Variants in CDH4 observed in about 807,000 individuals in gnomAD.
CDH4 encodes the protein cadherin-4.
In CDH4, 33 loss-of-function variants were observed where a neutral mutation model predicts 86.0. The ratio of observed to expected loss-of-function variants is 0.38; its 90% confidence interval spans 0.29 to 0.51. The LOEUF (loss-of-function observed/expected upper bound fraction) is 0.51. CDH4 is among the 20% of genes least tolerant of loss of function. The pLI is 0.86. For missense variants in CDH4, 1,114 were observed against 1,307.4 expected (o/e 0.85, Z 2.28); for synonymous variants, 555 against 549.4 (o/e 1.01, Z -0.14).
At chr20:61,253,111 C>T (rs879640907) in intron 1 of CDH4, among the ~76,000 whole-genome samples, 125 of 151,548 alleles carry the variant, frequency 8.2e-4, no homozygotes, top group Non-Finnish European at 1.5e-3. Flanking sequence ...CTGTGGGTGC[C>T]GGCAGGACCC....
chr20:61,320,652 TA>T (rs1600863630), intron 2 of CDH4, among the ~76,000 whole-genome samples: 1 of 152,012 alleles, frequency 6.6e-6, no homozygotes, highest in East Asian at 1.9e-4. Flanking sequence ...CCAAGTGCCC[TA>T]CCCAGGGCTG....
chr20:61,371,152 G>A (rs995585989), intron 2 of CDH4, among the ~76,000 whole-genome samples: 17 of 152,208 alleles, frequency 1.1e-4, no homozygotes, highest in Non-Finnish European at 2.4e-4. Context: ...CCGGGAGCTC[G>A]GAGCCCTGCA....
In CDH4 at chr20:61,709,603, T is replaced by TTA. The variant is rs2087868258; in HGVS notation, c.170-33960_170-33959insTA. Among the ~76,000 whole-genome samples the TTA allele has an allele frequency of 6.6e-6, 1 of 151,868 alleles. No homozygotes were observed. Among genetic ancestry groups the TTA allele is most frequent in the African/African-American group, 2.4e-5 (1 of 41,350 alleles). On this transcript the variant is annotated intron_variant, in intron 2 of 15. Transcript: ENST00000614565. The surrounding 1 kb of genome is among the most constrained non-coding windows in gnomAD (Gnocchi z 4.8). ...TTTTGAATGACAATTTTTTTTTTTT[T>TTA]ATCGCTGGCTAATCACAGAGTGAGC...
At chr20:61,884,057 C>T (rs1984423783) in intron 7 of CDH4, among the ~76,000 whole-genome samples, 1 of 151,086 alleles carries the variant, frequency 6.6e-6, no homozygotes, top group Non-Finnish European at 1.5e-5. Flanking sequence ...GGACTCGCTG[C>T]CTGGAACTGG....
intron 2 of CDH4, among the ~76,000 whole-genome samples, chr20:61,590,362 G>A (rs1442428843): frequency 6.6e-6 from 1 of 152,134 alleles, no homozygotes; most frequent in Non-Finnish European, 1.5e-5. Flanking sequence ...ATGGCCCAGT[G>A]GGTGGGGGCA....
At chr20:61,714,020 T>TG (rs1238468072) in intron 2 of CDH4, among the ~76,000 whole-genome samples, 1,773 of 147,516 alleles carry the variant, frequency 0.012, 161 homozygotes, top group Admixed American at 0.04. Flanking sequence ...TGTCTATTCT[T>TG]TTTTTATTTT....
At chr20:61,619,771 G>A (rs143438473) in intron 2 of CDH4, among the ~76,000 whole-genome samples, 17 of 152,342 alleles carry the variant, frequency 1.1e-4, no homozygotes, top group East Asian at 7.7e-4. Flanking sequence ...GCCGATGCCC[G>A]GGTGGGAGGG....
At chr20:61,819,708 G>C (rs911447969) in intron 4 of CDH4, among the ~76,000 whole-genome samples, 14 of 152,222 alleles carry the variant, frequency 9.2e-5, no homozygotes, top group African/African-American at 3.4e-4. Context: ...CCCCTGCCAG[G>C]CTGGGACTGC....
At chr20:61,509,882 A>G (rs1256984009) in intron 2 of CDH4, among the ~76,000 whole-genome samples, 1 of 152,146 alleles carries the variant, frequency 6.6e-6, no homozygotes, top group Admixed American at 6.5e-5. Flanking sequence ...TGCAGCTGGC[A>G]TCTCAGGATG....
At chr20:61,612,995 A>G (rs1426711283) in intron 2 of CDH4, among the ~76,000 whole-genome samples, 1 of 151,672 alleles carries the variant, frequency 6.6e-6, no homozygotes, top group Admixed American at 6.6e-5. Flanking sequence ...AGCCAGCCAC[A>G]CCTCCAGGAG....
chr20:61,406,774 C>CCA (rs1314431802), intron 2 of CDH4, among the ~76,000 whole-genome samples: 10 of 148,690 alleles, frequency 6.7e-5, no homozygotes, highest in Non-Finnish European at 8.9e-5. Flanking sequence ...CCACCATCTG[C>CCA]TCTGCCCAGA....
intron 2 of CDH4, among the ~76,000 whole-genome samples, chr20:61,488,839 C>T (rs2085610585): frequency 6.6e-6 from 1 of 152,146 alleles, no homozygotes; most frequent in Admixed American, 6.5e-5. Context: ...ATGGACCTTG[C>T]CATTCACAGT....
intron 2 of CDH4, chr20:61,435,632 C>G (rs1441574075): frequency 6.6e-6 from 1 of 152,372 alleles, no homozygotes; most frequent in African/African-American, 2.4e-5. Context: ...TGGGCCAACA[C>G]CTGGGTTGAG....
intron 4 of CDH4, among the ~76,000 whole-genome samples, chr20:61,813,556 G>A (rs1307229535): frequency 6.6e-6 from 1 of 152,152 alleles, no homozygotes; most frequent in African/African-American, 2.4e-5. Context: ...TCCAAATGCT[G>A]TATAAGCATC....
intron 2 of CDH4, among the ~76,000 whole-genome samples, chr20:61,387,859 C>G (rs375386200): frequency 5.3e-5 from 8 of 152,314 alleles, no homozygotes; most frequent in Admixed American, 2.0e-4. Flanking sequence ...GCCCCACCCC[C>G]CTCTGGCCCC....
At chr20:61,747,488 G>A (rs1238908283) in intron 3 of CDH4, among the ~76,000 whole-genome samples, 2 of 151,040 alleles carry the variant, frequency 1.3e-5, no homozygotes, top group African/African-American at 4.9e-5. Flanking sequence ...TCCAGAGCAT[G>A]GGGCAATCAG....
At chr20:61,419,120 C>A (rs939383917) in intron 2 of CDH4, among the ~76,000 whole-genome samples, 3 of 152,158 alleles carry the variant, frequency 2.0e-5, no homozygotes, top group African/African-American at 7.2e-5. Flanking sequence ...AGTGTTTTGT[C>A]CATGGAGAAA....
At chr20:61,774,995 T>C (rs1397412284) in intron 4 of CDH4, among the ~76,000 whole-genome samples, 1 of 152,180 alleles carries the variant, frequency 6.6e-6, no homozygotes, top group African/African-American at 2.4e-5. Flanking sequence ...TACACGTGCA[T>C]GTGTCTTTAT....
intron 2 of CDH4, among the ~76,000 whole-genome samples, chr20:61,445,957 G>A (rs1290432002): frequency 2.0e-5 from 3 of 152,246 alleles, no homozygotes; most frequent in Non-Finnish European, 2.9e-5. Context: ...AGCCTCCCAT[G>A]CCCGCTGGTG....
Sources: gnomAD v4.1 joint callset for allele counts (sites outside exome capture counted in the v4.1 genomes callset) on GRCh38, gnomAD v4.1.1 for gene constraint, Gnocchi (gnomAD v3.1) non-coding constraint, MANE v1.5 for transcripts, NCBI Gene and HGNC (gene_info 2026-07-23, HGNC 2026-07-21) for gene names.